TMEM266: variants seen among roughly 807,000 people sequenced by gnomAD.
TMEM266 encodes the protein Hv1 related protein 1.
A neutral mutation model predicts 50.5 loss-of-function variants in TMEM266; 33 were observed. That is an observed-to-expected ratio of 0.65 (90% CI 0.50 to 0.87). The LOEUF (loss-of-function observed/expected upper bound fraction) is 0.87. Among genes scored for constraint, TMEM266 ranks in the 40% least tolerant of loss-of-function variants. The pLI is 0.00. For missense variants in TMEM266, 655 were observed against 695.1 expected (o/e 0.94, Z 0.65); for synonymous variants, 310 against 292.3 (o/e 1.06, Z -0.62).
chr15:76,080,483 T>G (rs916136188), intron 1 of TMEM266, among the ~76,000 whole-genome samples: 2 of 151,190 alleles, frequency 1.3e-5, no homozygotes, highest in Admixed American at 6.6e-5. Flanking sequence ...ACTCCCGACC[T>G]TGTGATCCGC....
chr15:76,092,953 G>A (rs1313819980), intron 1 of TMEM266, among the ~76,000 whole-genome samples: 2 of 150,310 alleles, frequency 1.3e-5, no homozygotes, highest in Admixed American at 6.6e-5. Flanking sequence ...GATTACAGGC[G>A]TGCACCACCA....
chr15:76,073,068 A>C (rs2036559495), intron 1 of TMEM266, among the ~76,000 whole-genome samples: 1 of 151,596 alleles, frequency 6.6e-6, no homozygotes, highest in Non-Finnish European at 1.5e-5. Context: ...AGTAGCTGGG[A>C]TTACAGGCAT....
intron 7 of TMEM266, chr15:76,174,901 A>G (rs947895924): frequency 6.6e-6 from 1 of 152,350 alleles, no homozygotes; most frequent in Admixed American, 6.5e-5. Flanking sequence ...GCTAGACCAC[A>G]GTTTATTCAC....
chr15:76,200,784 T>A (rs1162476123), intron 9 of TMEM266, among the ~76,000 whole-genome samples: 1 of 151,970 alleles, frequency 6.6e-6, no homozygotes, highest in Non-Finnish European at 1.5e-5. Context: ...GCAAGAAGAG[T>A]GTAGCTGGCT....
At chr15:76,167,806 A>G (rs2038120446) in intron 5 of TMEM266, among the ~76,000 whole-genome samples, 1 of 152,064 alleles carries the variant, frequency 6.6e-6, no homozygotes, top group African/African-American at 2.4e-5. Context: ...TGCTTGTTAC[A>G]TGGTGTTCTT....
At chr15:76,099,300 T>C (rs1204287845) in intron 1 of TMEM266, among the ~76,000 whole-genome samples, 1 of 152,186 alleles carries the variant, frequency 6.6e-6, no homozygotes, top group Non-Finnish European at 1.5e-5. Context: ...TCAGGCTCAG[T>C]CCCTCACAGC....
At chr15:76,141,706 C>G (rs1442436096) in intron 3 of TMEM266, among the ~76,000 whole-genome samples, 1 of 152,178 alleles carries the variant, frequency 6.6e-6, no homozygotes, top group Non-Finnish European at 1.5e-5. Flanking sequence ...TTCTTGCAAA[C>G]TAGAAACTCT....
intron 7 of TMEM266, among the ~76,000 whole-genome samples, chr15:76,173,864 T>C (rs922171810): frequency 6.7e-6 from 1 of 150,204 alleles, no homozygotes; most frequent in African/African-American, 2.5e-5. Flanking sequence ...ACCCAGGAGG[T>C]AGGGGTTGCA....
At chr15:76,181,595 C>G (rs2038406581) in intron 8 of TMEM266, 1 of 152,174 alleles carries the variant, frequency 6.6e-6, no homozygotes, top group African/African-American at 2.4e-5. Flanking sequence ...AGGGGTGGAT[C>G]TTGGCCAGAA....
intron 3 of TMEM266, among the ~76,000 whole-genome samples, chr15:76,146,253 CATAGAG>C (rs1319088850): frequency 3.3e-5 from 5 of 152,132 alleles, no homozygotes; most frequent in South Asian, 2.1e-4. Flanking sequence ...TCTGTGCACA[CATAGAG>C]ATAAAGATGC....
At chr15:76,076,941 GT>G (rs913167444) in intron 1 of TMEM266, among the ~76,000 whole-genome samples, 1 of 151,876 alleles carries the variant, frequency 6.6e-6, no homozygotes, top group South Asian at 2.1e-4. Flanking sequence ...CTGAATAACC[GT>G]TTTTTTGTTT....
chr15:76,148,716 T>TC (rs199917440), intron 3 of TMEM266, among the ~76,000 whole-genome samples: 136,400 of 139,242 alleles, frequency 0.98, 66,782 homozygotes, highest in Middle Eastern at 1. Context: ...TGGCAGTTTG[T>TC]CCACCCCTTC....
intron 8 of TMEM266, among the ~76,000 whole-genome samples, chr15:76,178,234 G>T (rs1228655479): frequency 6.6e-6 from 1 of 152,176 alleles, no homozygotes; most frequent in Non-Finnish European, 1.5e-5. Context: ...GCTGCCGTTG[G>T]AGGCTGGATG....
At chr15:76,080,731 G>T (rs2141990917) in intron 1 of TMEM266, among the ~76,000 whole-genome samples, 1 of 152,078 alleles carries the variant, frequency 6.6e-6, no homozygotes, top group Middle Eastern at 3.4e-3. Flanking sequence ...TTGTAACTCT[G>T]TATGGACACG....
At chr15:76,101,850 T>C (rs2037005392) in intron 1 of TMEM266, among the ~76,000 whole-genome samples, 1 of 152,078 alleles carries the variant, frequency 6.6e-6, no homozygotes, top group African/African-American at 2.4e-5. Context: ...AGGTTGGGGG[T>C]AGATGCTCGG....
At chr15:76,113,481 G>T (rs1366922799) in intron 1 of TMEM266, 2 of 152,382 alleles carry the variant, frequency 1.3e-5, no homozygotes, top group Non-Finnish European at 2.9e-5. Context: ...GGGGCCAGAT[G>T]GTGGAAGGCT....
At chr15:76,149,209 A>T (rs1251297925) in intron 3 of TMEM266, among the ~76,000 whole-genome samples, 1 of 152,246 alleles carries the variant, frequency 6.6e-6, no homozygotes, top group Non-Finnish European at 1.5e-5. Flanking sequence ...TGGTTCTCAC[A>T]GGTTGAGATT....
intron 8 of TMEM266, chr15:76,178,874 C>T (rs1423613210): frequency 1.3e-5 from 2 of 152,276 alleles, no homozygotes; most frequent in Non-Finnish European, 2.9e-5. Context: ...AAGGGCCAGA[C>T]AGGCTGGACT....
Position 76,192,163 on chromosome 15 carries a change from C to G in TMEM266, c.958+6C>G, listed in dbSNP as rs1236817353. 1.4e-6 allele frequency: 2 copies of G among 1,395,648 alleles called. No homozygotes were observed. Among genetic ancestry groups the G allele is most frequent in the Non-Finnish European group, 1.9e-6 (2 of 1,078,802 alleles). The allele number at this position is 1,395,648 out of a possible 1,614,324, so 86.5% of individuals were successfully genotyped here. A position where few individuals can be genotyped will look rare whatever the true frequency, so the allele number is the denominator to read the frequency against. ...GGAGCTGCAGCCCTCGCAAGGTAAG[C>G]CCGGGTCTCCACCCGGCCCCAGAGT... is the stretch of plus-strand genomic sequence containing the variant. On this transcript the variant is annotated splice_donor_region_variant and intron_variant, in intron 9 of 10. Coordinates refer to ENST00000388942, the MANE Select transcript of TMEM266 (RefSeq NM_152335.3).
Sources: allele counts gnomAD v4.1 joint callset (sites outside exome capture counted in the v4.1 genomes callset), GRCh38; gene constraint gnomAD v4.1.1; transcripts MANE v1.5; gene names NCBI Gene and HGNC (gene_info 2026-07-23, HGNC 2026-07-21).